The following LGR6 variants were observed in gnomAD, a reference collection of about 807,000 sequenced individuals.
LGR6 encodes the protein leucine-rich repeat-containing G protein-coupled receptor 6.
Under a neutral mutation model 69.4 loss-of-function variants are expected in LGR6, and 45 were observed. The ratio of observed to expected loss-of-function variants is 0.65; its 90% CI spans 0.51 to 0.83. The LOEUF is 0.83. LGR6 is among the 40% of genes least tolerant of loss of function. The pLI, the probability that LGR6 is intolerant of heterozygous loss-of-function variation, is 0.00. For missense variants in LGR6, 1,108 were observed against 1,246.7 expected (o/e 0.89, Z 1.68); for synonymous variants, 538 against 555.0 (o/e 0.97, Z 0.43).
chr1:202,237,808 G>A (rs1571867601), intron 4 of LGR6, among the ~76,000 whole-genome samples: 1 of 152,180 alleles, frequency 6.6e-6, no homozygotes, highest in African/African-American at 2.4e-5. Context: ...TGCAAGAAGA[G>A]CACTGGCCTG....
chr1:202,202,728 G>A (rs1343706295), intron 1 of LGR6, among the ~76,000 whole-genome samples: 2 of 152,232 alleles, frequency 1.3e-5, no homozygotes, highest in Non-Finnish European at 2.9e-5. Context: ...CAGGCCTGCA[G>A]TGGCCCTTCA....
intron 1 of LGR6, among the ~76,000 whole-genome samples, chr1:202,215,082 A>G (rs1396227745): frequency 1.4e-5 from 2 of 139,906 alleles, no homozygotes; most frequent in Admixed American, 7.5e-5. Context: ...CTGATGTAAA[A>G]GAAAAGCTCC....
intron 7 of LGR6, among the ~76,000 whole-genome samples, chr1:202,298,455 A>G (rs1443209339): frequency 2.6e-5 from 4 of 152,060 alleles, no homozygotes; most frequent in Non-Finnish European, 5.9e-5. Flanking sequence ...TCGTACAGCT[A>G]GAGTGGGACC....
intron 1 of LGR6, among the ~76,000 whole-genome samples, chr1:202,221,124 TC>T (rs1430085341): frequency 6.6e-6 from 1 of 151,342 alleles, no homozygotes; most frequent in Non-Finnish European, 1.5e-5. Context: ...TGGGCACAGT[TC>T]CCCCAGGTCC....
intron 1 of LGR6, among the ~76,000 whole-genome samples, chr1:202,196,090 T>C (rs1658630030): frequency 6.6e-6 from 1 of 152,048 alleles, no homozygotes; most frequent in Non-Finnish European, 1.5e-5. Flanking sequence ...TTCTGAGAGT[T>C]GTGGAGAGAA....
intron 1 of LGR6, among the ~76,000 whole-genome samples, chr1:202,204,760 CA>C (rs1659039214): frequency 4.3e-5 from 3 of 69,382 alleles, no homozygotes; most frequent in Non-Finnish European, 8.6e-5. Flanking sequence ...CACACACACA[CA>C]CCCCTCCTTC....
intron 6 of LGR6, among the ~76,000 whole-genome samples, chr1:202,295,327 CAA>C (rs58243962): frequency 3.3e-4 from 15 of 45,556 alleles, no homozygotes; most frequent in South Asian, 8.1e-4. Flanking sequence ...GACTCCATCT[CAA>C]AAAAAAAAAA....
At chr1:202,310,491 C>T in intron 16 of LGR6, 134 bp downstream of exon 16, 1 of 810,654 alleles carries the variant, frequency 1.2e-6, no homozygotes. Context: ...GGAGGAGCTG[C>T]CTGTGACCTG....
chr1:202,218,832 G>A (rs12028423), intron 1 of LGR6, among the ~76,000 whole-genome samples: 48,160 of 151,992 alleles, frequency 0.32, 8,644 homozygotes, highest in Non-Finnish European at 0.41. Context: ...TAATTGGGAG[G>A]GCTGCAGAGC....
chr1:202,233,793 G>T (rs1046519057), intron 3 of LGR6, among the ~76,000 whole-genome samples: 1 of 152,132 alleles, frequency 6.6e-6, no homozygotes, highest in Non-Finnish European at 1.5e-5. Context: ...GCCATTGAGG[G>T]CTTTACAGCG....
At chr1:202,209,204 A>G (rs1659371285) in intron 1 of LGR6, among the ~76,000 whole-genome samples, 1 of 152,144 alleles carries the variant, frequency 6.6e-6, no homozygotes, top group African/African-American at 2.4e-5. Flanking sequence ...TTAGCCCCAT[A>G]GGCAATGGTG....
At chr1:202,203,539 G>GCATTCATT (rs74629379) in intron 1 of LGR6, among the ~76,000 whole-genome samples, 6 of 152,014 alleles carry the variant, frequency 3.9e-5, no homozygotes, top group East Asian at 1.9e-4. Context: ...TGAGGAGCAA[G>GCATTCATT]CATTCATTCA....
At chr1:202,205,515 ACCCT>A (rs1425417139) in intron 1 of LGR6, among the ~76,000 whole-genome samples, 1 of 27,638 alleles carries the variant, frequency 3.6e-5, no homozygotes, top group Non-Finnish European at 7.5e-5. Context: ...AAACACACAC[ACCCT>A]CCTTCAAGCA....
At chr1:202,215,552 G>A (rs1265382770) in intron 1 of LGR6, among the ~76,000 whole-genome samples, 3 of 152,198 alleles carry the variant, frequency 2.0e-5, no homozygotes, top group Non-Finnish European at 4.4e-5. Flanking sequence ...AGAGATGCTG[G>A]TGAGTCAGGG....
At chr1:202,220,854 C>A (rs902716394) in intron 1 of LGR6, among the ~76,000 whole-genome samples, 1 of 152,086 alleles carries the variant, frequency 6.6e-6, no homozygotes, top group Non-Finnish European at 1.5e-5. Context: ...ATCAGACACA[C>A]ACACACACAC....
intron 4 of LGR6, among the ~76,000 whole-genome samples, chr1:202,251,729 C>G (rs369612102): frequency 9.8e-5 from 15 of 152,348 alleles, no homozygotes; most frequent in Admixed American, 4.6e-4. Flanking sequence ...CCCTGGCCCC[C>G]ACTAGCCTGC....
intron 1 of LGR6, among the ~76,000 whole-genome samples, chr1:202,223,934 C>A (rs1288936063): frequency 6.6e-6 from 1 of 150,848 alleles, no homozygotes; most frequent in African/African-American, 2.4e-5. Flanking sequence ...AGGAGAAAAG[C>A]AAATATGTAC....
chr1:202,214,199 C>T (rs79821910), intron 1 of LGR6: 40,505 of 1,535,766 alleles, frequency 0.026, 699 homozygotes, highest in Middle Eastern at 0.099. Flanking sequence ...CGGGACAGAA[C>T]CTCTCCCGGG....
In LGR6 at chr1:202,310,230, T is replaced by A. The variant is rs766533564; in HGVS notation, c.1440T>A (p.Cys480Ter). ...ILEVPYAYQC[C>*]PYGMCASFFK... ...AGGTGCCTTATGCCTACCAGTGCTGTCCCTATGGGATGTGTGCCAGCTTCT... is the reference window on the plus strand; with the variant it reads ...AGGTGCCTTATGCCTACCAGTGCTGACCCTATGGGATGTGTGCCAGCTTCT... Residue 480 changes from cysteine (C) to a stop codon, truncating the protein, a stop_gained, in exon 16 of 18, where the codon TGT becomes TGA. Coordinates refer to ENST00000367278, the MANE Select transcript of LGR6 (RefSeq NM_001017403.2). LOFTEE classifies it high-confidence loss of function. 1 of 1,613,976 alleles carries A rather than the reference T, an allele frequency of 6.2e-7. No homozygotes were observed. The highest frequency in any genetic ancestry group is 1.3e-5 in the African/African-American group (1 of 74,888).
Sources: allele counts gnomAD v4.1 joint callset (sites outside exome capture counted in the v4.1 genomes callset), GRCh38; gene constraint gnomAD v4.1.1; transcripts MANE v1.5; gene names NCBI Gene and HGNC (gene_info 2026-07-23, HGNC 2026-07-21).